ROR2: variants seen among roughly 807,000 people sequenced by gnomAD.
ROR2 encodes tyrosine-protein kinase transmembrane receptor ROR2.
In ROR2, 33 loss-of-function variants were observed where a neutral mutation model predicts 74.9. That is an observed-to-expected ratio of 0.44 (90% CI 0.33 to 0.59). ROR2 has a LOEUF of 0.59. ROR2 is among the 20% of genes least tolerant of loss of function. The probability of loss-of-function intolerance (pLI) is 0.02; values close to 1 mark genes in which losing one functional copy is unlikely to be tolerated. For synonymous variants in ROR2, 586 were observed against 558.7 expected (o/e 1.05, Z -0.69); for missense variants, 1,216 against 1,313.8 (o/e 0.93, Z 1.15).
chr9:91,934,656 G>C (rs148597443), intron 1 of ROR2, among the ~76,000 whole-genome samples: 1 of 151,994 alleles, frequency 6.6e-6, no homozygotes, highest in African/African-American at 2.4e-5. Context: ...ATAGAAATGT[G>C]TGGTTGGTCA....
chr9:91,893,463 G>A (rs1016918232), intron 1 of ROR2, among the ~76,000 whole-genome samples: 3 of 151,944 alleles, frequency 2.0e-5, no homozygotes, highest in African/African-American at 7.3e-5. Flanking sequence ...AAAATTTGCA[G>A]GCTGAGGTCC....
chr9:91,907,514 C>T (rs1313620534), intron 1 of ROR2, among the ~76,000 whole-genome samples: 1 of 152,186 alleles, frequency 6.6e-6, no homozygotes, highest in Non-Finnish European at 1.5e-5. Context: ...AAGTGGGATT[C>T]TGCACAGTGA....
At chr9:91,815,742 C>T (rs532997621) in intron 1 of ROR2, among the ~76,000 whole-genome samples, 1 of 152,346 alleles carries the variant, frequency 6.6e-6, no homozygotes, top group South Asian at 2.1e-4. Flanking sequence ...TGCCAAACCA[C>T]CCTGCAATGC....
rs142861996 is a variant in ROR2 at position 91,736,010 on chromosome 9, G to T, written c.622+1381C>A. On this transcript the variant is annotated intron_variant, in intron 5 of 8. Coordinates refer to ENST00000375708, the MANE Select transcript of ROR2 (RefSeq NM_004560.4). ...TTATTCCCTGTAACCTATGTCAGTT[G>T]TGTGAAATACATGTATGTGTACACT... Among the ~76,000 whole-genome samples, 554 of 152,300 alleles carry T rather than the reference G, an allele frequency of 3.6e-3. 4 individuals are homozygous for T. Among genetic ancestry groups the T allele is most frequent in the African/African-American group, 0.013 (528 of 41,570 alleles).
In ROR2 at chr9:91,781,365, A is replaced by G. The variant is rs991371130; in HGVS notation, c.98-5547T>C. ...CCACTTGCACGTGCAAATGTCACTC[A>G]TGTGTTCCACAACAACTACTCAGCT... On this transcript the variant is annotated intron_variant, in intron 1 of 8. Transcript: ENST00000375708. Among the ~76,000 whole-genome samples, 3 of 152,328 alleles carry G rather than the reference A, an allele frequency of 2.0e-5. No homozygotes were observed. In the East Asian group the frequency reaches 5.8e-4, roughly 29 times the overall value.
At chr9:91,868,127 T>C (rs866763896) in intron 1 of ROR2, among the ~76,000 whole-genome samples, 132 of 152,130 alleles carry the variant, frequency 8.7e-4, no homozygotes, top group African/African-American at 3.0e-3. Context: ...TAAAGCACTT[T>C]GGAAACAAAC....
At chr9:91,735,553 G>A in intron 5 of ROR2, among the ~76,000 whole-genome samples, 1 of 148,862 alleles carries the variant, frequency 6.7e-6, no homozygotes, top group Admixed American at 6.8e-5. Flanking sequence ...TTAAAAGATG[G>A]TAAGAACAGA....
chr9:91,850,774 T>C (rs566669927), intron 1 of ROR2, among the ~76,000 whole-genome samples: 5 of 152,364 alleles, frequency 3.3e-5, no homozygotes, highest in African/African-American at 1.2e-4. Flanking sequence ...TATTATTTTT[T>C]GAGAATCCCT....
rs866012901 is a variant in ROR2, at chr9:91,859,196, C to T, written c.98-83378G>A. Among the ~76,000 whole-genome samples the T allele has an allele frequency of 2.3e-3, 263 of 113,112 alleles. 2 individuals are homozygous for T. The highest frequency in any genetic ancestry group is 0.012 in the African/African-American group (245 of 20,386). The allele number at this position is 113,112 out of a possible 152,430, so 74.2% of individuals were successfully genotyped here. Reference sequence around the variant, plus strand: ...CCAAGAAGGACCATCTGAAAGTATTCCTTTTTTTTTTTTTTTTTTTTTTGA... The same window carrying T: ...CCAAGAAGGACCATCTGAAAGTATTTCTTTTTTTTTTTTTTTTTTTTTTGA... On this transcript the variant is annotated intron_variant, in intron 1 of 8. Coordinates refer to ENST00000375708, the MANE Select transcript of ROR2 (RefSeq NM_004560.4).
chr9:91,810,702 G>C (rs549487667), intron 1 of ROR2, among the ~76,000 whole-genome samples: 1 of 152,332 alleles, frequency 6.6e-6, no homozygotes. Context: ...AAGGACAACC[G>C]CAGGCAGCAC....
chr9:91,833,429 C>A (rs1264580976), intron 1 of ROR2, among the ~76,000 whole-genome samples: 1 of 152,172 alleles, frequency 6.6e-6, no homozygotes, highest in Non-Finnish European at 1.5e-5. Flanking sequence ...CAGCAAATGG[C>A]GGCCATGTCC....
At chr9:91,746,593 G>A (rs1360276739) in intron 4 of ROR2, among the ~76,000 whole-genome samples, 1 of 152,120 alleles carries the variant, frequency 6.6e-6, no homozygotes, top group Non-Finnish European at 1.5e-5. Context: ...CTTGGCGAGA[G>A]GTGCCTTCAA....
At chr9:91,874,231 G>T (rs569630958) in intron 1 of ROR2, among the ~76,000 whole-genome samples, 1 of 152,306 alleles carries the variant, frequency 6.6e-6, no homozygotes, top group East Asian at 1.9e-4. Context: ...GATTACCCCA[G>T]TAAAAGGTGC....
chr9:91,920,506 G>GA (rs1483200568), intron 1 of ROR2, among the ~76,000 whole-genome samples: 2 of 152,092 alleles, frequency 1.3e-5, no homozygotes, highest in African/African-American at 4.8e-5. Context: ...ACCCTGTCTG[G>GA]AAAAGAAAAA....
At chr9:91,803,835 T>G (rs1827466014) in intron 1 of ROR2, among the ~76,000 whole-genome samples, 1 of 152,258 alleles carries the variant, frequency 6.6e-6, no homozygotes, top group Admixed American at 6.5e-5. Flanking sequence ...TCAGTCATTT[T>G]CAAGAATTGC....
At chr9:91,786,834 C>T (rs1381884870) in intron 1 of ROR2, among the ~76,000 whole-genome samples, 2 of 152,166 alleles carry the variant, frequency 1.3e-5, no homozygotes, top group Admixed American at 1.3e-4. Context: ...ACTATAACTG[C>T]AGTCAACATG....
chr9:91,733,316 G>A lies in ROR2; in HGVS notation c.743C>T (p.Pro248Leu), dbSNP rs1363164502. ...LCDARSRTPK[P>L]RELCRDECEV... Reference sequence around the variant, plus strand: ...GCACTCGTCGCGGCACAGCTCACGCGGCTTGGGTGTCCGGGAGCGCGCGTC... The same window carrying A: ...GCACTCGTCGCGGCACAGCTCACGCAGCTTGGGTGTCCGGGAGCGCGCGTC... Residue 248 changes from proline (P) to leucine (L), a missense_variant, in exon 6 of 9, where the codon CCG becomes CTG. Physicochemically the swap from Pro to Leu is moderately conservative, Grantham distance 98. Coordinates refer to ENST00000375708, the MANE Select transcript of ROR2 (RefSeq NM_004560.4). The surrounding 1 kb of genome is among the most constrained non-coding windows in gnomAD (Gnocchi z 5.7). 3.7e-6 allele frequency: 6 copies of A among 1,612,664 alleles called. No homozygotes were observed. The highest frequency in any genetic ancestry group is 3.3e-5 in the Admixed American group (2 of 59,942).
intron 1 of ROR2, among the ~76,000 whole-genome samples, chr9:91,818,226 T>C (rs1828009593): frequency 6.6e-6 from 1 of 152,186 alleles, no homozygotes; most frequent in South Asian, 2.1e-4. Context: ...ATTACGCAAA[T>C]CTGTGTCACA....
intron 1 of ROR2, among the ~76,000 whole-genome samples, chr9:91,782,081 G>GC (rs1826638358): frequency 6.6e-6 from 1 of 152,226 alleles, no homozygotes; most frequent in South Asian, 2.1e-4. Context: ...CACAGCCCTG[G>GC]CAGCGGTGAG....
Sources: allele counts gnomAD v4.1 joint callset (sites outside exome capture counted in the v4.1 genomes callset), GRCh38; gene constraint gnomAD v4.1.1; non-coding constraint Gnocchi (gnomAD v3.1); transcripts MANE v1.5; gene names NCBI Gene and HGNC (gene_info 2026-07-23, HGNC 2026-07-21).